Variants in COL22A1 observed in about 807,000 individuals in gnomAD.
COL22A1 encodes the protein collagen type XXII alpha 1 chain.
COL22A1 carries 221 observed loss-of-function variants against 248.9 expected under a neutral mutation model. The observed-to-expected ratio is 0.89, with a 90% CI of 0.80 to 0.99. COL22A1 has a LOEUF of 0.99. COL22A1 is among the 50% of genes least tolerant of loss of function. The probability of loss-of-function intolerance (pLI) is 0.00; values close to 1 mark genes in which losing one functional copy is unlikely to be tolerated. For missense variants in COL22A1, 2,240 were observed against 2,179.0 expected (o/e 1.03, Z -0.56); for synonymous variants, 891 against 793.4 (o/e 1.12, Z -2.07).
intron 1 of COL22A1, among the ~76,000 whole-genome samples, chr8:138,884,888 A>C (rs1342445858): frequency 7.0e-5 from 8 of 114,176 alleles, no homozygotes; most frequent in African/African-American, 2.8e-4. Context: ...GAATCAGAAG[A>C]GAAGCTCCAA....
intron 23 of COL22A1, among the ~76,000 whole-genome samples, chr8:138,725,857 G>A (rs1830266997): frequency 6.6e-6 from 1 of 152,002 alleles, no homozygotes; most frequent in African/African-American, 2.4e-5. Flanking sequence ...ATGAGTCATT[G>A]AGCAGGGCTG....
chr8:138,652,307 G>A (rs1022622868), intron 45 of COL22A1, among the ~76,000 whole-genome samples: 1 of 152,238 alleles, frequency 6.6e-6, no homozygotes, highest in African/African-American at 2.4e-5. Context: ...TCTGTGAAAT[G>A]GGGATGTCAA....
chr8:138,617,036 G>T, intron 53 of COL22A1, 78 bp from the exon 54 acceptor site: 3 of 1,488,292 alleles, frequency 2.0e-6, no homozygotes, highest in Non-Finnish European at 1.9e-6. Context: ...CCTCCCTGCC[G>T]GCTTTGACCC....
At chr8:138,849,827 G>A (rs1394986520) in intron 3 of COL22A1, among the ~76,000 whole-genome samples, 1 of 151,984 alleles carries the variant, frequency 6.6e-6, no homozygotes, top group Admixed American at 6.5e-5. Context: ...AGCCCAGGGA[G>A]TCAGATGTAG....
At chr8:138,670,559 A>C (rs1824930099) in intron 41 of COL22A1, among the ~76,000 whole-genome samples, 1 of 152,174 alleles carries the variant, frequency 6.6e-6, no homozygotes, top group African/African-American at 2.4e-5. Context: ...GGTTCTTATG[A>C]TCAAAGGAAC....
chr8:138,639,337 A>G (rs1821462975), intron 47 of COL22A1, among the ~76,000 whole-genome samples: 1 of 152,150 alleles, frequency 6.6e-6, no homozygotes, highest in South Asian at 2.1e-4. Context: ...TTTTCCGGCT[A>G]TTTTCCTAGA....
intron 13 of COL22A1, 92 bp downstream of exon 13, chr8:138,780,835 A>G (rs981282001): frequency 1.6e-5 from 17 of 1,070,770 alleles, no homozygotes; most frequent in Admixed American, 5.1e-5. Context: ...TGGCCCTGGC[A>G]ATGCCACCCC....
At chr8:138,817,110 GGT>G (rs1818744846) in intron 7 of COL22A1, among the ~76,000 whole-genome samples, 1 of 152,148 alleles carries the variant, frequency 6.6e-6, no homozygotes, top group Non-Finnish European at 1.5e-5. Context: ...CACTGGCCTG[GGT>G]GTTTTAGTCT....
At chr8:138,849,887 T>C (rs1035082946) in intron 3 of COL22A1, among the ~76,000 whole-genome samples, 9 of 152,118 alleles carry the variant, frequency 5.9e-5, no homozygotes, top group African/African-American at 2.2e-4. Flanking sequence ...GGAAGCCACG[T>C]TGGTTGTGAT....
chr8:138,748,486 C>CT (rs1433173004), intron 22 of COL22A1, among the ~76,000 whole-genome samples: 5 of 152,214 alleles, frequency 3.3e-5, no homozygotes, highest in African/African-American at 1.2e-4. Context: ...GTGCGAATCC[C>CT]TGAGGGGCCA....
chr8:138,904,457 C>A (rs1212222768), intron 1 of COL22A1, among the ~76,000 whole-genome samples: 1 of 152,094 alleles, frequency 6.6e-6, no homozygotes, highest in Admixed American at 6.6e-5. Context: ...GACAGGACAG[C>A]CCTTCTCAGT....
At chr8:138,759,758 C>T (rs1224866355) in intron 18 of COL22A1, among the ~76,000 whole-genome samples, 4 of 152,092 alleles carry the variant, frequency 2.6e-5, no homozygotes, top group African/African-American at 9.7e-5. Flanking sequence ...AAGTAAGATA[C>T]AACCCTTATT....
chr8:138,857,862 C>A (rs190698830), intron 3 of COL22A1, among the ~76,000 whole-genome samples: 1 of 152,338 alleles, frequency 6.6e-6, no homozygotes, highest in South Asian at 2.1e-4. Context: ...GCCTCCTCCC[C>A]GGGCACTTGG....
chr8:138,793,578 A>C (rs1359555968), intron 12 of COL22A1, among the ~76,000 whole-genome samples: 1 of 152,220 alleles, frequency 6.6e-6, no homozygotes, highest in Non-Finnish European at 1.5e-5. Context: ...GGAAAATGTC[A>C]ACCAAGGACA....
intron 49 of COL22A1, among the ~76,000 whole-genome samples, chr8:138,633,038 C>G (rs575329394): frequency 1.1e-4 from 17 of 152,256 alleles, no homozygotes; most frequent in Non-Finnish European, 2.2e-4. Flanking sequence ...TTTGTCAGCT[C>G]GCTACCCATA....
chr8:138,910,475 C>T (rs980980483), intron 1 of COL22A1, among the ~76,000 whole-genome samples: 7 of 152,142 alleles, frequency 4.6e-5, no homozygotes, highest in South Asian at 4.1e-4. Flanking sequence ...AATGCAGTTC[C>T]GGCAAGTCAT....
chr8:138,603,471 T>A (rs1445951689), intron 59 of COL22A1, among the ~76,000 whole-genome samples: 1 of 152,100 alleles, frequency 6.6e-6, no homozygotes, highest in Admixed American at 6.5e-5. Flanking sequence ...ATACTGGGCA[T>A]GAGGAAGCAG....
chr8:138,641,064 C>T (rs1821643374), intron 47 of COL22A1, among the ~76,000 whole-genome samples: 1 of 152,210 alleles, frequency 6.6e-6, no homozygotes, highest in African/African-American at 2.4e-5. Flanking sequence ...CATATCTGAC[C>T]TCTCTATATA....
intron 21 of COL22A1, 32 bp downstream of exon 21, chr8:138,755,125 A>G (rs746416454): frequency 8.1e-6 from 13 of 1,610,062 alleles, no homozygotes; most frequent in Middle Eastern, 3.3e-4. Flanking sequence ...AAGCGTGCAG[A>G]GCAAACCCTG....
Sources: gnomAD v4.1 joint callset for allele counts (sites outside exome capture counted in the v4.1 genomes callset) on GRCh38, gnomAD v4.1.1 for gene constraint, MANE v1.5 for transcripts, NCBI Gene and HGNC (gene_info 2026-07-23, HGNC 2026-07-21) for gene names.